Variants in EDC4 observed in about 807,000 individuals in gnomAD.
The protein encoded by EDC4 is enhancer of mRNA-decapping protein 4.
Under a neutral mutation model 155.8 loss-of-function variants are expected in EDC4, and 64 were observed. That is an observed-to-expected ratio of 0.41 (90% confidence interval 0.34 to 0.51). EDC4 has a LOEUF of 0.51. Among genes scored for constraint, EDC4 ranks in the 20% least tolerant of loss-of-function variants. The pLI, the probability that EDC4 is intolerant of heterozygous loss-of-function variation, is 0.19. For missense variants in EDC4, 1,303 were observed against 1,812.5 expected, an observed-to-expected ratio of 0.72 and a Z score of 5.10; for synonymous variants, 684 against 716.8, an observed-to-expected ratio of 0.95 and a Z score of 0.73.
In EDC4 at chr16:67,873,177, GC is replaced by G; in HGVS notation, c.-81del. On this transcript the variant is annotated 5_prime_UTR_variant, in exon 1 of 29. Coordinates refer to ENST00000358933, the MANE Select transcript of EDC4 (RefSeq NM_014329.5). ...GTAGTGACCGGCGTCCCGCTGTCTCGCCCCGTGGCGGGTGAGCGAGGGTGCG... is the reference window on the plus strand; with the variant it reads ...GTAGTGACCGGCGTCCCGCTGTCTCGCCCGTGGCGGGTGAGCGAGGGTGCG... The G allele has an allele frequency of 1.9e-6, 2 of 1,078,672 alleles. No homozygotes were observed. The highest frequency in any genetic ancestry group is 2.5e-6 in the Non-Finnish European group (2 of 811,156). The allele number at this position is 1,078,672 out of a possible 1,614,324, so 66.8% of individuals were successfully genotyped here.
At position 67,879,642 on chromosome 16, in the gene EDC4, C is replaced by T. The variant is rs201552092; in HGVS notation, c.1689C>T (p.His563=). ...CTGAGGGCCTGGGGTCAGCCGCTCA[C>T]GGCTCCCAGCCTGACCTCCGACGAA... ...LGSEGLGSAA[H]GSQPDLRRIV... is the part of the protein sequence containing the mutation. The change falls in exon 15 of 29, where the codon CAC becomes CAT. Residue 563 remains histidine, a synonymous_variant. Coordinates refer to ENST00000358933, the MANE Select transcript of EDC4 (RefSeq NM_014329.5). This position sits in a 1 kb window ranked among gnomAD's most constrained non-coding sequence, Gnocchi z 6.0. 237 of 1,614,176 alleles carry T rather than the reference C, an allele frequency of 1.5e-4. No homozygotes were observed. The East Asian group carries it at 4.1e-3, about 28-fold the overall frequency.
rs1413981973 is a variant in EDC4 at position 67,884,039 on chromosome 16, G to A, written c.4097G>A (p.Arg1366His). The A allele has an allele frequency of 6.2e-6, 10 of 1,613,968 alleles. No homozygotes were observed. Among genetic ancestry groups the A allele is most frequent in the African/African-American group, 5.3e-5 (4 of 74,904 alleles). ...DHMGSVMAQV[R>H]QKLFQFLQAE... Reference sequence around the variant, plus strand: ...ATGGGCTCCGTTATGGCCCAGGTGCGCCAAAAGCTTTTTCAGTTCCTGCAG... The same window carrying A: ...ATGGGCTCCGTTATGGCCCAGGTGCACCAAAAGCTTTTTCAGTTCCTGCAG... Residue 1366 changes from arginine (R) to histidine (H), a missense_variant, in exon 29 of 29, where the codon CGC becomes CAC. Physicochemically the swap from Arg to His is conservative, Grantham distance 29. Around this residue, in one of 5 missense-constraint regions of EDC4, gnomAD observed 527 missense variants for 757.0 expected, o/e 0.70. Coordinates refer to ENST00000358933, the MANE Select transcript of EDC4 (RefSeq NM_014329.5). This position sits in a 1 kb window ranked among gnomAD's most constrained non-coding sequence, Gnocchi z 4.1.
rs972440173 is a variant in EDC4 at position 67,881,221 on chromosome 16, G to A, written c.2636+41G>A. Reference sequence around the variant, plus strand: ...CACCATTGCCCTCATGGGGGGATGGGCAGCAAGTGGGCAGGGGCTTACTCC... The same window carrying A: ...CACCATTGCCCTCATGGGGGGATGGACAGCAAGTGGGCAGGGGCTTACTCC... On this transcript the variant is annotated intron_variant, in intron 19 of 28. Coordinates refer to ENST00000358933, the MANE Select transcript of EDC4 (RefSeq NM_014329.5). The surrounding 1 kb of genome is among the most constrained non-coding windows in gnomAD (Gnocchi z 5.4). 3 of 1,614,002 alleles carry A rather than the reference G, an allele frequency of 1.9e-6. No homozygotes were observed. The Admixed American group carries it at 5.0e-5, about 27-fold the overall frequency.
Position 67,879,764 on chromosome 16 carries a change from C to T in EDC4, c.1811C>T (p.Ser604Phe). The part of the protein sequence containing the change: ...TPDAFMTPSA[S>F]LQQITASPSS... ...GACGCCTTCATGACACCTAGCGCCT[C>T]CTTGCAGCAGGTACTCTCCCAGGGT... Residue 604 changes from serine to phenylalanine, a missense_variant, in exon 15 of 29, where the codon TCC (serine) becomes TTC (phenylalanine). Transcript: ENST00000358933. This position sits in a 1 kb window ranked among gnomAD's most constrained non-coding sequence, Gnocchi z 6.0. 1 of 1,614,138 alleles carries T rather than the reference C, an allele frequency of 6.2e-7. No homozygotes were observed. Among genetic ancestry groups the T allele is most frequent in the South Asian group, 1.1e-5 (1 of 91,084 alleles).
chr16:67,880,180 C>A lies in EDC4; in HGVS notation c.2061C>A (p.Ala687=). Residue 687 remains alanine, a synonymous_variant, in exon 17 of 29, where the codon GCC becomes GCA. Transcript: ENST00000358933. This position sits in a 1 kb window ranked among gnomAD's most constrained non-coding sequence, Gnocchi z 5.2. ...PRGLLPGLLP[A]PADKLTPKGP... ...GCCTCCTGCCTGGCCTGCTCCCAGC[C>A]CCAGCTGACAAACTGACTCCCAAGG... The A allele has an allele frequency of 6.2e-7, 1 of 1,611,486 alleles. No homozygotes were observed.
At position 67,876,655 on chromosome 16, in the gene EDC4, C is replaced by CA; in HGVS notation, c.351+57dup. 6.3e-7 allele frequency: 1 copy of CA among 1,599,102 alleles called. No individual in the cohort carries two copies. Among genetic ancestry groups the CA allele is most frequent in the Non-Finnish European group, 8.5e-7 (1 of 1,171,144 alleles). On this transcript the variant is annotated intron_variant, in intron 3 of 28. Coordinates refer to ENST00000358933, the MANE Select transcript of EDC4 (RefSeq NM_014329.5). The surrounding 1 kb of genome is among the most constrained non-coding windows in gnomAD (Gnocchi z 5.8). ...TGTACGGGGGCACACCCAGCCTTTC[C>CA]AGTCTCCCTCATGCTGCCAGTTCCT... is the stretch of plus-strand genomic sequence containing the variant.
In EDC4 at chr16:67,880,713, C is replaced by T. The variant is rs140569147; in HGVS notation, c.2254C>T (p.Leu752=). The T allele has an allele frequency of 2.1e-4, 345 of 1,614,248 alleles. 2 individuals carry two copies. In the African/African-American group the frequency reaches 3.9e-3, roughly 18 times the overall value. ...CATCCCTGAGATTGCATCTGAGGCC[C>T]TGTCCCGTGGTTTTGGCTCCTCTGC... The part of the protein sequence containing the change: ...QDIPEIASEA[L]SRGFGSSAPE... The change falls in exon 18 of 29, where the codon CTG becomes TTG. Residue 752 remains leucine, a synonymous_variant. Coordinates refer to ENST00000358933, the MANE Select transcript of EDC4 (RefSeq NM_014329.5). This position sits in a 1 kb window ranked among gnomAD's most constrained non-coding sequence, Gnocchi z 5.2.
In EDC4 at chr16:67,879,274, C is replaced by T. The variant is rs776406808; in HGVS notation, c.1506C>T (p.Ala502=). 5.6e-6 allele frequency: 9 copies of T among 1,614,142 alleles called. No homozygotes were observed. Among genetic ancestry groups the T allele is most frequent in the South Asian group, 2.2e-5 (2 of 91,076 alleles). Residue 502 remains alanine (A), a synonymous_variant, in exon 13 of 29, where the codon GCC becomes GCT. Coordinates refer to ENST00000358933, the MANE Select transcript of EDC4 (RefSeq NM_014329.5). The surrounding 1 kb of genome is among the most constrained non-coding windows in gnomAD (Gnocchi z 6.0). The stretch of plus-strand genomic sequence containing the variant: ...GAGCCGGTGCCATGGAGTCTGCGGC[C>T]GGTGTGCTCATCAAGCTCTTTTGTG... ...THGAGAMESA[A]GVLIKLFCVH...
rs776348229 is a variant in EDC4, at chr16:67,882,173, C to T, written c.3161-39C>T. On this transcript the variant is annotated intron_variant, in intron 23 of 28. Coordinates refer to ENST00000358933, the MANE Select transcript of EDC4 (RefSeq NM_014329.5). This position sits in a 1 kb window ranked among gnomAD's most constrained non-coding sequence, Gnocchi z 7.2. ...TGGGAGTGGGGTACCTGTCAAGCTT[C>T]TTCTCATGGCTCCACCTCACCCTCT... The T allele has an allele frequency of 6.2e-7, 1 of 1,604,610 alleles. No individual in the cohort carries two copies. Among genetic ancestry groups the T allele is most frequent in the Non-Finnish European group, 8.5e-7 (1 of 1,174,220 alleles).
In EDC4 at chr16:67,878,069, C is replaced by T; in HGVS notation, c.895-97C>T. ...TCATTTAGTCAGTCACACAAGCATG[C>T]CAGTCCCACCGTGAGTCAGCCCAGC... On this transcript the variant is annotated intron_variant, in intron 7 of 28. Coordinates refer to ENST00000358933, the MANE Select transcript of EDC4 (RefSeq NM_014329.5). This position sits in a 1 kb window ranked among gnomAD's most constrained non-coding sequence, Gnocchi z 5.2. 1 of 1,555,534 alleles carries T rather than the reference C, an allele frequency of 6.4e-7. No individual in the cohort carries two copies.
chr16:67,876,054 T>A lies in EDC4; in HGVS notation c.192T>A (p.Thr64=), dbSNP rs544508740. 1.9e-6 allele frequency: 3 copies of A among 1,614,190 alleles called. No individual in the cohort carries two copies. Among genetic ancestry groups the A allele is most frequent in the Non-Finnish European group, 1.7e-6 (2 of 1,180,028 alleles). ...CSGDSTSANK[T]GLRTMPPINL... is the part of the protein sequence containing the mutation. ...GTGATAGTACCTCAGCAAACAAGACTGGTCTTCGGACCATGCCACCCATTA... is the reference window on the plus strand; with the variant it reads ...GTGATAGTACCTCAGCAAACAAGACAGGTCTTCGGACCATGCCACCCATTA... Residue 64 remains threonine, a synonymous_variant, in exon 2 of 29, where the codon ACT becomes ACA. Coordinates refer to ENST00000358933, the MANE Select transcript of EDC4 (RefSeq NM_014329.5). This position sits in a 1 kb window ranked among gnomAD's most constrained non-coding sequence, Gnocchi z 5.8.
Position 67,878,704 on chromosome 16 carries a change from CAGGCTCA to C in EDC4, c.1185-32_1185-26del. 6.2e-7 allele frequency: 1 copy of C among 1,614,180 alleles called. No homozygotes were observed. The highest frequency in any genetic ancestry group is 8.5e-7 in the Non-Finnish European group (1 of 1,180,024). ...TGGGAATGTAGCTTCCTTCAGTTCTCAGGCTCATTCACTCTGCTTTGTGGCTCTCTAG... is the reference window on the plus strand; with the variant it reads ...TGGGAATGTAGCTTCCTTCAGTTCTCTTCACTCTGCTTTGTGGCTCTCTAG... On this transcript the variant is annotated intron_variant, in intron 10 of 28. Transcript: ENST00000358933. This position sits in a 1 kb window ranked among gnomAD's most constrained non-coding sequence, Gnocchi z 5.2.
In EDC4 at chr16:67,883,080, G is replaced by A; in HGVS notation, c.3752G>A (p.Gly1251Asp). The change falls in exon 27 of 29, where the codon GGC becomes GAC. Residue 1251 changes from glycine (G) to aspartate (D), a missense_variant. By Grantham distance (94) the Gly-to-Asp change is moderately conservative (BLOSUM62 -1). Transcript: ENST00000358933. This position sits in a 1 kb window ranked among gnomAD's most constrained non-coding sequence, Gnocchi z 5.3. Reference protein sequence around the residue: ...SIMQAMRSAAGTPVPSAHLDC... With the variant: ...SIMQAMRSAADTPVPSAHLDC... ...ATGCAGGCCATGCGCTCAGCTGCTG[G>A]CACACCTGTCCCCTCTGCCCACCTT... The A allele has an allele frequency of 1.2e-6, 2 of 1,612,794 alleles. No individual in the cohort carries two copies. Among genetic ancestry groups the A allele is most frequent in the Non-Finnish European group, 8.5e-7 (1 of 1,179,848 alleles).
In EDC4 at chr16:67,873,353, G is replaced by C; in HGVS notation, c.82+10G>C. On this transcript the variant is annotated intron_variant, in intron 1 of 28. Transcript: ENST00000358933. ...GACCGGCCCGCGGGCGGTGAGCGGG[G>C]GTTGCGGGGGTGGGCCCCAGGCGAG... 1 of 1,439,868 alleles carries C rather than the reference G, an allele frequency of 6.9e-7. No individual in the cohort carries two copies. The highest frequency in any genetic ancestry group is 1.8e-4 in the Middle Eastern group (1 of 5,662). 89.2% of individuals were successfully genotyped at this position (1,439,868 alleles called of 1,614,324 possible). A position where few individuals can be genotyped will look rare whatever the true frequency, so the allele number is the denominator to read the frequency against.
In EDC4 at chr16:67,880,584, C is replaced by G; in HGVS notation, c.2125C>G (p.Leu709Val). ...QVPTATSALS[L>V]ELQEVEPLGL... ...GCCTACTGCCACCTCTGCACTGTCC[C>G]TGGAGCTGCAGGAAGTGGAGCCCCT... Residue 709 changes from leucine to valine, a missense_variant, in exon 18 of 29, where the codon CTG (leucine) becomes GTG (valine). Physicochemically the swap from Leu to Val is conservative, Grantham distance 32. Around this residue, in one of 5 missense-constraint regions of EDC4, gnomAD observed 391 missense variants for 445.4 expected, o/e 0.88. Transcript: ENST00000358933. The surrounding 1 kb of genome is among the most constrained non-coding windows in gnomAD (Gnocchi z 5.2). 6.2e-7 allele frequency: 1 copy of G among 1,614,124 alleles called. No homozygotes were observed. Among genetic ancestry groups the G allele is most frequent in the Non-Finnish European group, 8.5e-7 (1 of 1,180,014 alleles).
In EDC4 at chr16:67,878,965, T is replaced by C. The variant is rs1367805577; in HGVS notation, c.1296T>C (p.Tyr432=). ...ILSDVQRKVL[Y]VMELLQNQEE... ...ACGTTCTGCCTGTGCAGGTCCTCTA[T>C]GTGATGGAGCTGCTGCAAAACCAGG... The change falls in exon 12 of 29, where the codon TAT becomes TAC. Residue 432 remains tyrosine, a synonymous_variant. Coordinates refer to ENST00000358933, the MANE Select transcript of EDC4 (RefSeq NM_014329.5). This position sits in a 1 kb window ranked among gnomAD's most constrained non-coding sequence, Gnocchi z 5.2. 1.2e-6 allele frequency: 2 copies of C among 1,610,416 alleles called. No homozygotes were observed. Among genetic ancestry groups the C allele is most frequent in the Admixed American group, 1.7e-5 (1 of 59,964 alleles).
In EDC4 at chr16:67,877,046, T is replaced by C; in HGVS notation, c.451+74T>C. 3 of 1,590,414 alleles carry C rather than the reference T, an allele frequency of 1.9e-6. No individual in the cohort carries two copies. The highest frequency in any genetic ancestry group is 1.7e-6 in the Non-Finnish European group (2 of 1,167,090). ...AGAGCCAGTTCCAACATCAGGCCACTCAGGCCTTAGGGGTACAATGGAAGG... is the reference window on the plus strand; with the variant it reads ...AGAGCCAGTTCCAACATCAGGCCACCCAGGCCTTAGGGGTACAATGGAAGG... On this transcript the variant is annotated intron_variant, in intron 4 of 28. Transcript: ENST00000358933. The surrounding 1 kb of genome is among the most constrained non-coding windows in gnomAD (Gnocchi z 4.9).
At position 67,879,068 on chromosome 16, in the gene EDC4, GT is replaced by G; in HGVS notation, c.1400del (p.Val467GlyfsTer61). 1 of 1,613,550 alleles carries G rather than the reference GT, an allele frequency of 6.2e-7. No homozygotes were observed. The highest frequency in any genetic ancestry group is 1.3e-5 in the African/African-American group (1 of 75,066). On this transcript the variant is annotated frameshift_variant, in exon 12 of 29. Coordinates refer to ENST00000358933, the MANE Select transcript of EDC4 (RefSeq NM_014329.5). LOFTEE classifies it high-confidence loss of function. The surrounding 1 kb of genome is among the most constrained non-coding windows in gnomAD (Gnocchi z 6.0). ...HPVLSFGIQV[V>X]SRCRLRHTEV... ...TGTGCTGAGCTTTGGTATCCAGGTTGTGAGTCGCTGCCGGCTACGGCACACT... is the reference window on the plus strand; with the variant it reads ...TGTGCTGAGCTTTGGTATCCAGGTTGGAGTCGCTGCCGGCTACGGCACACT...
rs1471288946 is a variant in EDC4 at position 67,877,895 on chromosome 16, C to T, written c.894+50C>T. The T allele has an allele frequency of 5.6e-6, 9 of 1,607,762 alleles. No individual in the cohort carries two copies. In the African/African-American group the frequency reaches 9.4e-5, roughly 17 times the overall value. Reference sequence around the variant, plus strand: ...CCTGCCCTCCCCACTTCCTCATATCCATCTTCTGTTCCCTATATCCACAGC... The same window carrying T: ...CCTGCCCTCCCCACTTCCTCATATCTATCTTCTGTTCCCTATATCCACAGC... On this transcript the variant is annotated intron_variant, in intron 7 of 28. Coordinates refer to ENST00000358933, the MANE Select transcript of EDC4 (RefSeq NM_014329.5). This position sits in a 1 kb window ranked among gnomAD's most constrained non-coding sequence, Gnocchi z 4.9.
Sources: allele counts gnomAD v4.1 joint callset, GRCh38; gene constraint gnomAD v4.1.1; regional missense constraint gnomAD v4.1.1; non-coding constraint Gnocchi (gnomAD v3.1); transcripts MANE v1.5; gene names NCBI Gene and HGNC (gene_info 2026-07-23, HGNC 2026-07-21).